Variants in POLR3D observed in about 807,000 individuals in gnomAD.
The protein encoded by POLR3D is DNA-directed RNA polymerase III subunit RPC4.
In POLR3D, 42 loss-of-function variants were observed where a neutral mutation model predicts 44.5. The observed-to-expected ratio is 0.94, with a 90% CI of 0.74 to 1.22. The LOEUF (loss-of-function observed/expected upper bound fraction) is 1.22, where lower values mean the gene tolerates loss of function less well. Ranked by LOEUF, POLR3D falls within the 50% of genes most tolerant of loss-of-function variation. The pLI, the probability that POLR3D is intolerant of heterozygous loss-of-function variation, is 0.00. For missense variants in POLR3D, 507 were observed against 505.2 expected, an observed-to-expected ratio of 1.00 and a Z score of -0.03; for synonymous variants, 217 against 198.1, an observed-to-expected ratio of 1.10 and a Z score of -0.80.
chr8:22,248,506 A>C lies in POLR3D; in HGVS notation c.512A>C (p.Asn171Thr), dbSNP rs759592090. 4.3e-6 allele frequency: 7 copies of C among 1,614,024 alleles called. No homozygotes were observed. The East Asian group carries it at 1.3e-4, about 31-fold the overall frequency. The change falls in exon 6 of 9, where the codon AAC becomes ACC. Residue 171 changes from asparagine to threonine, a missense_variant. Physicochemically the swap from Asn to Thr is moderately conservative, Grantham distance 65 (BLOSUM62 0). Transcript: ENST00000306433. ...TTCCTCGATGACCCCGGCCTGAGGA[A>C]CGACACTCGAAATATGCCTGTGCAG... ...DDFLDDPGLR[N>T]DTRNMPVQLP...
At chr8:22,250,034 G>A (rs374164332) in intron 7 of POLR3D, 41 bp from the exon 8 acceptor site, 58 of 1,608,206 alleles carry the variant, frequency 3.6e-5, no homozygotes, top group Non-Finnish European at 1.3e-5. Context: ...ATGGAGGAAA[G>A]AGCTCCTAGC....
intron 1 of POLR3D, 72 bp from the exon 2 acceptor site, chr8:22,245,373 C>G (rs1050119746): frequency 8.4e-7 from 1 of 1,184,804 alleles, no homozygotes; most frequent in Non-Finnish European, 1.1e-6. Flanking sequence ...GACCGGAAAG[C>G]AAGGGGGTGG....
chr8:22,245,787 T>A (rs1432119735), intron 2 of POLR3D, among the ~76,000 whole-genome samples, 173 bp downstream of exon 2: 3 of 152,148 alleles, frequency 2.0e-5, no homozygotes, highest in Admixed American at 1.3e-4. Flanking sequence ...AGGTACTGAG[T>A]ACAAGATGTT....
At chr8:22,248,052 A>G in intron 4 of POLR3D, 44 bp downstream of exon 4, 1 of 1,608,208 alleles carries the variant, frequency 6.2e-7, no homozygotes, top group Non-Finnish European at 8.5e-7. Flanking sequence ...ACTGCCCCAG[A>G]GAAGGGCGAG....
In POLR3D at chr8:22,251,951, C is replaced by G. The variant is rs539389301; in HGVS notation, c.*1433C>G. 6.5e-6 allele frequency: 1 copy of G among 153,250 alleles called. No individual in the cohort carries two copies. The highest frequency in any genetic ancestry group is 2.1e-4 in the South Asian group (1 of 4,830). The allele number at this position is 153,250 out of a possible 1,614,324, so 9.5% of individuals were successfully genotyped here. ...GGAAGAACCGCTTCCCCTCCACCCCCATCCCTGATTCCTAGTGGCCCCTTA... is the reference window on the plus strand; with the variant it reads ...GGAAGAACCGCTTCCCCTCCACCCCGATCCCTGATTCCTAGTGGCCCCTTA... On this transcript the variant is annotated 3_prime_UTR_variant, in exon 9 of 9. Transcript: ENST00000306433.
chr8:22,248,437 G>C, intron 5 of POLR3D, 44 bp from the exon 6 acceptor site: 3 of 1,602,400 alleles, frequency 1.9e-6, no homozygotes, highest in Non-Finnish European at 2.6e-6. Context: ...TTTGATCCAG[G>C]TGCATGTGCT....
chr8:22,248,343 C>T, intron 5 of POLR3D, 65 bp downstream of exon 5: 1 of 1,591,768 alleles, frequency 6.3e-7, no homozygotes, highest in Non-Finnish European at 8.5e-7. Flanking sequence ...TCTGGGGAGC[C>T]AGGTGAGGGG....
chr8:22,249,059 G>A lies in POLR3D; in HGVS notation c.671G>A (p.Arg224Gln), dbSNP rs150106411. 28 of 1,613,742 alleles carry A rather than the reference G, an allele frequency of 1.7e-5. No homozygotes were observed. Among genetic ancestry groups the A allele is most frequent in the Non-Finnish European group, 2.2e-5 (26 of 1,179,958 alleles). Reference sequence around the variant, plus strand: ...ACCCGGGCAGTGAAAGAGGAGCCACGAGATGAGGAGGAAGAGGCCAAGATG... The same window carrying A: ...ACCCGGGCAGTGAAAGAGGAGCCACAAGATGAGGAGGAAGAGGCCAAGATG... ...IPAVKVKEEP[R>Q]DEEEEAKMKA... The change falls in exon 7 of 9, where the codon CGA becomes CAA. Residue 224 changes from arginine (R) to glutamine (Q), a missense_variant. Transcript: ENST00000306433.
chr8:22,247,890 G>A lies in POLR3D; in HGVS notation c.243G>A (p.Lys81=), dbSNP rs1563318662. 8 of 1,614,108 alleles carry A rather than the reference G, an allele frequency of 5.0e-6. No homozygotes were observed. The highest frequency in any genetic ancestry group is 6.8e-6 in the Non-Finnish European group (8 of 1,180,010). The change falls in exon 4 of 9, where the codon AAG becomes AAA. Residue 81 remains lysine (K), a synonymous_variant. Coordinates refer to ENST00000306433, the MANE Select transcript of POLR3D (RefSeq NM_001722.3). ...PKEEVTVKKE[K]RERDRDRQRE... Reference sequence around the variant, plus strand: ...AAGAAGTAACTGTCAAGAAGGAGAAGCGTGAAAGGGACAGAGACCGACAAC... The same window carrying A: ...AAGAAGTAACTGTCAAGAAGGAGAAACGTGAAAGGGACAGAGACCGACAAC...
In POLR3D at chr8:22,248,007, A is replaced by C; in HGVS notation, c.360A>C (p.Lys120Asn). 4.3e-6 allele frequency: 7 copies of C among 1,612,876 alleles called. No individual in the cohort carries two copies. Among genetic ancestry groups the C allele is most frequent in the Non-Finnish European group, 5.1e-6 (6 of 1,179,176 alleles). ...EQGPAEMMKK[K>N]GNWDKTVDVS... ...GCCCAGCTGAAATGATGAAGAAAAA[A>C]GGTATAAGGAAGGAATCAGTGAATT... Residue 120 changes from lysine to asparagine, a missense_variant and splice_region_variant, in exon 4 of 9, where the codon AAA becomes AAC. Physicochemically the swap from Lys to Asn is moderately conservative, Grantham distance 94. Coordinates refer to ENST00000306433, the MANE Select transcript of POLR3D (RefSeq NM_001722.3).
At position 22,250,468 on chromosome 8, in the gene POLR3D, C is replaced by T; in HGVS notation, c.1147C>T (p.Leu383Phe). The change falls in exon 9 of 9, where the codon CTT becomes TTT. Residue 383 changes from leucine to phenylalanine, a missense_variant. Coordinates refer to ENST00000306433, the MANE Select transcript of POLR3D (RefSeq NM_001722.3). ...MTVLGHVKHK[L>F]VCSPDFESLL... ...AGTCCTGGGACACGTGAAGCACAAACTTGTATGTTCCCCTGATTTTGAATC... is the reference window on the plus strand; with the variant it reads ...AGTCCTGGGACACGTGAAGCACAAATTTGTATGTTCCCCTGATTTTGAATC... The T allele has an allele frequency of 6.2e-7, 1 of 1,614,192 alleles. No individual in the cohort carries two copies. The highest frequency in any genetic ancestry group is 1.1e-5 in the South Asian group (1 of 91,080).
intron 2 of POLR3D, among the ~76,000 whole-genome samples, chr8:22,246,065 G>A (rs541036915): frequency 6.6e-6 from 1 of 152,282 alleles, no homozygotes; most frequent in East Asian, 1.9e-4. Context: ...GACTGTGGAT[G>A]TCAAGAGTAG....
In POLR3D at chr8:22,250,504, C is replaced by T. The variant is rs867581691; in HGVS notation, c.1183C>T (p.His395Tyr). The change falls in exon 9 of 9, where the codon CAC becomes TAC. Residue 395 changes from histidine (H) to tyrosine (Y), a missense_variant. By Grantham distance (83) the His-to-Tyr change is moderately conservative. Transcript: ENST00000306433. ...CCCTGATTTTGAATCCCTCTTGGAT[C>T]ACAAACACCGGTAAAATGAGCAGGT... ...CSPDFESLLD[H>Y]KHR The T allele has an allele frequency of 6.2e-7, 1 of 1,614,078 alleles. No individual in the cohort carries two copies. The highest frequency in any genetic ancestry group is 1.3e-5 in the African/African-American group (1 of 74,922).
At position 22,247,034 on chromosome 8, in the gene POLR3D, T is replaced by C. The variant is rs375843935; in HGVS notation, c.166-187T>C. Among the ~76,000 whole-genome samples, 265 of 152,370 alleles carry C rather than the reference T, an allele frequency of 1.7e-3. 2 individuals are homozygous for C. Among genetic ancestry groups the C allele is most frequent in the African/African-American group, 6.1e-3 (255 of 41,586 alleles). ...CCCCTTCTATGTGTAACTCCACTGC[T>C]ACCACACTATGACATTCCTCCTTTT... On this transcript the variant is annotated intron_variant, in intron 2 of 8. Coordinates refer to ENST00000306433, the MANE Select transcript of POLR3D (RefSeq NM_001722.3).
chr8:22,250,500 G>T lies in POLR3D; in HGVS notation c.1179G>T (p.Leu393Phe). ...GTTCCCCTGATTTTGAATCCCTCTTGGATCACAAACACCGGTAAAATGAGC... is the reference window on the plus strand; with the variant it reads ...GTTCCCCTGATTTTGAATCCCTCTTTGATCACAAACACCGGTAAAATGAGC... ...LVCSPDFESL[L>F]DHKHR Residue 393 changes from leucine to phenylalanine, a missense_variant, in exon 9 of 9, where the codon TTG (leucine) becomes TTT (phenylalanine). Coordinates refer to ENST00000306433, the MANE Select transcript of POLR3D (RefSeq NM_001722.3). The T allele has an allele frequency of 6.2e-7, 1 of 1,614,150 alleles. No homozygotes were observed. The highest frequency in any genetic ancestry group is 1.3e-5 in the African/African-American group (1 of 75,024).
Position 22,250,746 on chromosome 8 carries a change from C to A in POLR3D, c.*228C>A. 1.8e-6 allele frequency: 1 copy of A among 567,850 alleles called. No individual in the cohort carries two copies. The highest frequency in any genetic ancestry group is 3.0e-5 in the East Asian group (1 of 32,914). 35.2% of individuals were successfully genotyped at this position (567,850 alleles called of 1,614,324 possible). On this transcript the variant is annotated 3_prime_UTR_variant, in exon 9 of 9. Transcript: ENST00000306433. Reference sequence around the variant, plus strand: ...CACATCCTTGCTGCTGGGGACTTGGCCCTGCTATTTATTTTTGTATTTATG... The same window carrying A: ...CACATCCTTGCTGCTGGGGACTTGGACCTGCTATTTATTTTTGTATTTATG...
At chr8:22,248,427 T>C in intron 5 of POLR3D, 54 bp from the exon 6 acceptor site, 1 of 1,596,626 alleles carries the variant, frequency 6.3e-7, no homozygotes, top group South Asian at 1.1e-5. Context: ...TAAAGCAGAC[T>C]TTGATCCAGG....
Position 22,253,297 on chromosome 8 carries a change from C to T in POLR3D, c.*2779C>T, listed in dbSNP as rs1035891766. The T allele has an allele frequency of 3.3e-5, 5 of 152,222 alleles. No individual in the cohort carries two copies. Among genetic ancestry groups the T allele is most frequent in the African/African-American group, 1.2e-4 (5 of 41,440 alleles). 9.4% of individuals were successfully genotyped at this position (152,222 alleles called of 1,614,324 possible). A position where few individuals can be genotyped will look rare whatever the true frequency, so the allele number is the denominator to read the frequency against. ...GTAGTACAGGAGCCTTCTCATTCTG[C>T]CCTTATCCGGGAATAACCGTCAGCA... On this transcript the variant is annotated 3_prime_UTR_variant, in exon 9 of 9. Transcript: ENST00000306433.
In POLR3D at chr8:22,254,378, T is replaced by G. The variant is rs1050979174; in HGVS notation, c.*3860T>G. On this transcript the variant is annotated 3_prime_UTR_variant, in exon 9 of 9. Transcript: ENST00000306433. ...GTACTCTATCTCACTCAGAAATACATACAATTCTTCGTTCCCAGCTACTCT... is the reference window on the plus strand; with the variant it reads ...GTACTCTATCTCACTCAGAAATACAGACAATTCTTCGTTCCCAGCTACTCT... The G allele has an allele frequency of 6.6e-6, 1 of 152,186 alleles. No homozygotes were observed. The highest frequency in any genetic ancestry group is 2.1e-4 in the South Asian group (1 of 4,832). The allele number at this position is 152,186 out of a possible 1,614,324, so 9.4% of individuals were successfully genotyped here.
Sources: allele counts gnomAD v4.1 joint callset (sites outside exome capture counted in the v4.1 genomes callset), GRCh38; gene constraint gnomAD v4.1.1; transcripts MANE v1.5; gene names NCBI Gene and HGNC (gene_info 2026-07-23, HGNC 2026-07-21).